TSHZ2: variants seen among roughly 807,000 people sequenced by gnomAD.
TSHZ2 encodes the protein teashirt zinc finger homeobox 2, also known as teashirt homolog 2.
In TSHZ2, 21 loss-of-function variants were observed where a neutral mutation model predicts 74.4. That is an observed-to-expected ratio of 0.28 (90% CI 0.20 to 0.41). The LOEUF (loss-of-function observed/expected upper bound fraction) is 0.41. TSHZ2 is among the 10% of genes least tolerant of loss of function. The pLI is 1.00. For missense variants in TSHZ2, 1,244 were observed against 1,293.5 expected (o/e 0.96, Z 0.59); for synonymous variants, 540 against 515.3 (o/e 1.05, Z -0.65).
chr20:53,230,894 GAAAA>G (rs1989810378), intron 1 of TSHZ2, among the ~76,000 whole-genome samples: 1 of 151,318 alleles, frequency 6.6e-6, no homozygotes, highest in Non-Finnish European at 1.5e-5. Context: ...AAAAAAAAAA[GAAAA>G]AAGAAAAAAT....
At chr20:53,327,844 A>G (rs915988835) in intron 2 of TSHZ2, among the ~76,000 whole-genome samples, 3 of 152,350 alleles carry the variant, frequency 2.0e-5, no homozygotes, top group African/African-American at 7.2e-5. Flanking sequence ...GAGGATGACA[A>G]GGAAGTCCTG....
At chr20:53,139,973 G>A (rs1306900433) in intron 1 of TSHZ2, among the ~76,000 whole-genome samples, 4 of 151,754 alleles carry the variant, frequency 2.6e-5, no homozygotes, top group Non-Finnish European at 4.4e-5. Flanking sequence ...TTATCTGGCC[G>A]TTTTTTTGCC....
At chr20:53,327,971 C>T (rs1241387699) in intron 2 of TSHZ2, among the ~76,000 whole-genome samples, 1 of 152,302 alleles carries the variant, frequency 6.6e-6, no homozygotes, top group Non-Finnish European at 1.5e-5. Flanking sequence ...TGACTGCAGA[C>T]TTGTGAATTT....
At chr20:53,478,227 G>T (rs1986039974) in intron 2 of TSHZ2, among the ~76,000 whole-genome samples, 1 of 150,746 alleles carries the variant, frequency 6.6e-6, no homozygotes, top group Non-Finnish European at 1.5e-5. Flanking sequence ...GTTTATTGTG[G>T]CATTATTCAC....
At chr20:53,009,935 T>C (rs1193775407) in intron 1 of TSHZ2, among the ~76,000 whole-genome samples, 2 of 152,222 alleles carry the variant, frequency 1.3e-5, no homozygotes, top group Non-Finnish European at 2.9e-5. Flanking sequence ...TTGTTTCTAA[T>C]ATGGCTTCGT....
intron 1 of TSHZ2, among the ~76,000 whole-genome samples, chr20:53,108,561 G>A (rs1308923955): frequency 1.3e-5 from 2 of 152,192 alleles, no homozygotes; most frequent in Admixed American, 1.3e-4. Context: ...TGTGACTTCA[G>A]AGCATCCCTT....
intron 1 of TSHZ2, among the ~76,000 whole-genome samples, chr20:53,004,065 G>A (rs1333276733): frequency 6.6e-6 from 1 of 152,050 alleles, no homozygotes; most frequent in Non-Finnish European, 1.5e-5. Flanking sequence ...CTATAGAGGA[G>A]TTGTTTTGTT....
chr20:53,021,741 T>A (rs1450080737), intron 1 of TSHZ2, among the ~76,000 whole-genome samples: 1 of 152,190 alleles, frequency 6.6e-6, no homozygotes, highest in African/African-American at 2.4e-5. Flanking sequence ...TGCAGGTTCA[T>A]CTTACTGTGT....
intron 1 of TSHZ2, chr20:53,178,779 T>C (rs868638440): frequency 3.0e-4 from 45 of 152,330 alleles, no homozygotes; most frequent in Middle Eastern, 6.8e-3. Flanking sequence ...TTTTGATACT[T>C]CCAAATAGTG....
chr20:53,307,525 T>G (rs1978594715), intron 2 of TSHZ2, among the ~76,000 whole-genome samples: 1 of 152,156 alleles, frequency 6.6e-6, no homozygotes, highest in South Asian at 2.1e-4. Flanking sequence ...TCAGCCCTGG[T>G]CGCACATTAG....
intron 1 of TSHZ2, among the ~76,000 whole-genome samples, chr20:53,109,807 C>G (rs1986480540): frequency 6.6e-6 from 1 of 152,150 alleles, no homozygotes; most frequent in Admixed American, 6.5e-5. Context: ...CCTTCCCAAG[C>G]TCTGTGATGA....
chr20:53,143,875 A>G (rs765716009), intron 1 of TSHZ2, among the ~76,000 whole-genome samples: 10 of 152,050 alleles, frequency 6.6e-5, no homozygotes, highest in Non-Finnish European at 1.2e-4. Context: ...GCTGTATGGG[A>G]GCCCGGAGTT....
chr20:53,436,811 A>G, intron 2 of TSHZ2, among the ~76,000 whole-genome samples: 1 of 151,608 alleles, frequency 6.6e-6, no homozygotes, highest in East Asian at 1.9e-4. Context: ...TCGGCCTCCC[A>G]AGGTGCTGGG....
intron 1 of TSHZ2, among the ~76,000 whole-genome samples, chr20:52,983,413 A>G (rs1236149286): frequency 6.6e-6 from 1 of 152,242 alleles, no homozygotes; most frequent in Non-Finnish European, 1.5e-5. Context: ...TCTGAGAGAA[A>G]TCTAGGCACC....
intron 1 of TSHZ2, among the ~76,000 whole-genome samples, chr20:53,039,975 G>T (rs1000704472): frequency 4.6e-5 from 7 of 151,844 alleles, no homozygotes; most frequent in African/African-American, 1.7e-4. Flanking sequence ...GCGTGGAGGT[G>T]CAGGCCTGTA....
intron 1 of TSHZ2, among the ~76,000 whole-genome samples, chr20:53,021,495 C>A (rs980690412): frequency 1.3e-5 from 2 of 152,196 alleles, no homozygotes; most frequent in Admixed American, 1.3e-4. Flanking sequence ...CTTTCTTCCC[C>A]TCTACTTAAC....
At chr20:52,980,778 T>G (rs949567946) in intron 1 of TSHZ2, among the ~76,000 whole-genome samples, 6 of 152,058 alleles carry the variant, frequency 3.9e-5, no homozygotes, top group Non-Finnish European at 7.4e-5. Flanking sequence ...GATACAAAAA[T>G]GAGACAGAGG....
At position 53,134,471 on chromosome 20, in the gene TSHZ2, T is replaced by G. The variant is rs79668335; in HGVS notation, c.41-119028T>G. On this transcript the variant is annotated intron_variant, in intron 1 of 2. Transcript: ENST00000371497. ...ACCTCAATATAAATTTTCTCATCAT[T>G]TGACACTTTTTATTGTCTCTGCTTA... 6.6e-4 allele frequency among the ~76,000 whole-genome samples: 100 copies of G among 152,340 alleles called. No individual in the cohort carries two copies. The East Asian group carries it at 0.014, about 22-fold the overall frequency.
intron 1 of TSHZ2, among the ~76,000 whole-genome samples, chr20:53,241,145 T>C (rs1990060038): frequency 6.6e-6 from 1 of 152,196 alleles, no homozygotes; most frequent in African/African-American, 2.4e-5. Context: ...ATTCTTAAAC[T>C]AGCCCTAACC....
Sources: allele counts gnomAD v4.1 joint callset (sites outside exome capture counted in the v4.1 genomes callset), GRCh38; gene constraint gnomAD v4.1.1; transcripts MANE v1.5; gene names NCBI Gene and HGNC (gene_info 2026-07-23, HGNC 2026-07-21).